The following SNTB1 variants were observed in gnomAD, a reference collection of about 807,000 sequenced individuals.
The protein encoded by SNTB1 is syntrophin beta 1, also known as beta-1-syntrophin.
Under a neutral mutation model 48.9 loss-of-function variants are expected in SNTB1, and 36 were observed. The observed-to-expected ratio is 0.74, with a 90% confidence interval of 0.56 to 0.97. The LOEUF is 0.97. Among genes scored for constraint, SNTB1 ranks in the 50% least tolerant of loss-of-function variants. The pLI is 0.00. For synonymous variants in SNTB1, 299 were observed against 294.6 expected (o/e 1.01, Z -0.15); for missense variants, 786 against 703.4 (o/e 1.12, Z -1.33).
intron 3 of SNTB1, among the ~76,000 whole-genome samples, chr8:120,612,405 G>C (rs1816640605): frequency 6.6e-6 from 1 of 152,158 alleles, no homozygotes; most frequent in South Asian, 2.1e-4. Flanking sequence ...ATAGCATGTG[G>C]TGTTCCACAA....
chr8:120,703,473 T>A (rs1818336528), intron 1 of SNTB1, among the ~76,000 whole-genome samples: 1 of 152,104 alleles, frequency 6.6e-6, no homozygotes, highest in South Asian at 2.1e-4. Context: ...CAATCTTTAT[T>A]ACAGATCAAG....
At chr8:120,651,398 C>T (rs1817408934) in intron 2 of SNTB1, among the ~76,000 whole-genome samples, 1 of 152,088 alleles carries the variant, frequency 6.6e-6, no homozygotes, top group Middle Eastern at 3.2e-3. Flanking sequence ...CCTCTTTGTT[C>T]TAAAAACAAA....
chr8:120,601,425 A>C (rs1464562929), intron 3 of SNTB1, among the ~76,000 whole-genome samples: 1 of 152,202 alleles, frequency 6.6e-6, no homozygotes, highest in Non-Finnish European at 1.5e-5. Flanking sequence ...TTTCCAAAAA[A>C]TACCCCATGG....
rs533238232 is a variant in SNTB1, at chr8:120,719,227, T to C, written c.572-25319A>G. On this transcript the variant is annotated intron_variant, in intron 1 of 6. Transcript: ENST00000517992. ...CCACCCTTAATCTGGGTGGGCACCA[T>C]CTAATCAGCTGCCAGTGTCGCTAGA... 1.6e-4 allele frequency among the ~76,000 whole-genome samples: 25 copies of C among 152,216 alleles called. No homozygotes were observed. In the East Asian group the frequency reaches 4.6e-3, roughly 28 times the overall value.
chr8:120,678,341 TC>T (rs1214856765), intron 2 of SNTB1, among the ~76,000 whole-genome samples: 1 of 152,162 alleles, frequency 6.6e-6, no homozygotes, highest in Non-Finnish European at 1.5e-5. Flanking sequence ...TTCTCTAGTC[TC>T]CAGTTTTGTC....
chr8:120,644,411 T>A (rs1051545732), intron 2 of SNTB1, among the ~76,000 whole-genome samples: 1 of 148,554 alleles, frequency 6.7e-6, no homozygotes. Context: ...GAATATGCGA[T>A]GTTTGGTTTT....
At chr8:120,738,531 CCCTT>C (rs751258128) in intron 1 of SNTB1, among the ~76,000 whole-genome samples, 1 of 122,092 alleles carries the variant, frequency 8.2e-6, no homozygotes, top group Non-Finnish European at 1.6e-5. Context: ...CTACCTACCT[CCCTT>C]CCTTCCTTCT....
At chr8:120,685,475 G>C (rs1818014927) in intron 2 of SNTB1, among the ~76,000 whole-genome samples, 1 of 152,168 alleles carries the variant, frequency 6.6e-6, no homozygotes, top group Non-Finnish European at 1.5e-5. Context: ...GCCATGCCTG[G>C]GGCCACTTGA....
In SNTB1 at chr8:120,811,504, T is replaced by C; in HGVS notation, c.340A>G (p.Lys114Glu). 6.2e-7 allele frequency: 1 copy of C among 1,613,652 alleles called. No individual in the cohort carries two copies. The highest frequency in any genetic ancestry group is 1.1e-5 in the South Asian group (1 of 91,026). ...ESISNQKRGV[K>E]VLKQELGGLG... ...CCGCCCAGCTCCTGCTTCAGCACCT[T>C]CACGCCACGCTTCTGGTTCGAGATG... Residue 114 changes from lysine (K) to glutamate (E), a missense_variant, in exon 1 of 7, where the codon AAG (lysine) becomes GAG (glutamate). Physicochemically the swap from Lys to Glu is moderately conservative, Grantham distance 56. Transcript: ENST00000517992.
chr8:120,721,444 CT>C (rs1818657100), intron 1 of SNTB1, among the ~76,000 whole-genome samples: 1 of 152,164 alleles, frequency 6.6e-6, no homozygotes, highest in Non-Finnish European at 1.5e-5. Context: ...GATCCCCTGA[CT>C]CCTACACAAT....
chr8:120,627,384 T>C (rs1816900380), intron 3 of SNTB1, among the ~76,000 whole-genome samples: 1 of 152,170 alleles, frequency 6.6e-6, no homozygotes, highest in Admixed American at 6.5e-5. Flanking sequence ...TGAAATGTGA[T>C]TGCAGTCTCT....
intron 4 of SNTB1, among the ~76,000 whole-genome samples, chr8:120,551,686 A>T (rs1815482687): frequency 2.1e-5 from 3 of 143,484 alleles, no homozygotes; most frequent in Admixed American, 1.5e-4. Flanking sequence ...AGATCGCACC[A>T]CTGCACTCCA....
At chr8:120,589,241 A>G (rs1323066281) in intron 3 of SNTB1, among the ~76,000 whole-genome samples, 1 of 152,216 alleles carries the variant, frequency 6.6e-6, no homozygotes, top group African/African-American at 2.4e-5. Flanking sequence ...CAGTGTCTAC[A>G]ATACTATCAT....
chr8:120,600,917 T>C (rs1379493353), intron 3 of SNTB1, among the ~76,000 whole-genome samples: 1 of 151,772 alleles, frequency 6.6e-6, no homozygotes, highest in East Asian at 1.9e-4. Context: ...GCCTTGCTCA[T>C]CTTGACTCAG....
chr8:120,626,584 G>A (rs1816886306), intron 3 of SNTB1, among the ~76,000 whole-genome samples: 1 of 151,860 alleles, frequency 6.6e-6, no homozygotes, highest in Non-Finnish European at 1.5e-5. Context: ...AGACCTTTTT[G>A]TCTTCTCCTC....
chr8:120,725,229 C>T (rs1295985891), intron 1 of SNTB1, among the ~76,000 whole-genome samples: 1 of 152,112 alleles, frequency 6.6e-6, no homozygotes, highest in East Asian at 1.9e-4. Context: ...TGGGGGGCAT[C>T]ATTATTCTAA....
At chr8:120,604,027 C>T (rs1034846657) in intron 3 of SNTB1, among the ~76,000 whole-genome samples, 1 of 151,974 alleles carries the variant, frequency 6.6e-6, no homozygotes, top group Non-Finnish European at 1.5e-5. Flanking sequence ...CAGGTGTCTG[C>T]GAGTGAAAGG....
intron 3 of SNTB1, among the ~76,000 whole-genome samples, chr8:120,628,683 G>T (rs1233206385): frequency 6.6e-6 from 1 of 152,096 alleles, no homozygotes; most frequent in East Asian, 1.9e-4. Flanking sequence ...CTTGAATCCG[G>T]AGGCAGAGGT....
chr8:120,714,623 A>G (rs1435736261), intron 1 of SNTB1, among the ~76,000 whole-genome samples: 1 of 152,218 alleles, frequency 6.6e-6, no homozygotes, highest in Admixed American at 6.5e-5. Flanking sequence ...TGAGTCCCCA[A>G]GCAAAAATCT....
Sources: gnomAD v4.1 joint callset for allele counts (sites outside exome capture counted in the v4.1 genomes callset) on GRCh38, gnomAD v4.1.1 for gene constraint, MANE v1.5 for transcripts, NCBI Gene and HGNC (gene_info 2026-07-23, HGNC 2026-07-21) for gene names.